DYNC1I2: variants seen among roughly 807,000 people sequenced by gnomAD.
The protein encoded by DYNC1I2 is cytoplasmic dynein 1 intermediate chain 2.
A neutral mutation model predicts 88.6 loss-of-function variants in DYNC1I2; 53 were observed. The observed-to-expected ratio is 0.60, with a 90% CI of 0.48 to 0.75. The LOEUF is 0.75. Among genes scored for constraint, DYNC1I2 ranks in the 30% least tolerant of loss-of-function variants. The pLI, the probability that DYNC1I2 is intolerant of heterozygous loss-of-function variation, is 0.00. For synonymous variants in DYNC1I2, 198 were observed against 254.6 expected, an observed-to-expected ratio of 0.78 and a Z score of 2.12; for missense variants, 458 against 766.6, an observed-to-expected ratio of 0.60 and a Z score of 4.75.
At chr2:171,713,528 T>A (rs1215768027) in intron 6 of DYNC1I2, among the ~76,000 whole-genome samples, 1 of 152,062 alleles carries the variant, frequency 6.6e-6, no homozygotes, top group African/African-American at 2.4e-5. Context: ...GTTTTAAAAC[T>A]TGTTCTTTTA....
chr2:171,737,955 T>A (rs921975137), intron 15 of DYNC1I2, among the ~76,000 whole-genome samples: 10 of 152,180 alleles, frequency 6.6e-5, no homozygotes, highest in Non-Finnish European at 1.5e-4. Context: ...CAATCTTTTA[T>A]ATTATAAATA....
chr2:171,713,340 G>C (rs1478916720), intron 6 of DYNC1I2, among the ~76,000 whole-genome samples: 1 of 151,888 alleles, frequency 6.6e-6, no homozygotes, highest in Non-Finnish European at 1.5e-5. Flanking sequence ...ATTATTCATA[G>C]AATGTATGGA....
intron 4 of DYNC1I2, 139 bp downstream of exon 4, chr2:171,706,703 A>G (rs1212838652): frequency 2.7e-6 from 2 of 735,438 alleles, no homozygotes; most frequent in African/African-American, 3.5e-5. Flanking sequence ...AACATTTTAA[A>G]GGAGCCATTC....
chr2:171,726,509 G>C, intron 10 of DYNC1I2: 1 of 550,716 alleles, frequency 1.8e-6, no homozygotes, highest in South Asian at 3.1e-5. Flanking sequence ...TTATGATACA[G>C]GCCAGTTTTA....
At chr2:171,722,885 A>G (rs536249237) in intron 7 of DYNC1I2, among the ~76,000 whole-genome samples, 3 of 152,270 alleles carry the variant, frequency 2.0e-5, no homozygotes, top group South Asian at 2.1e-4. Flanking sequence ...TAATCCATGT[A>G]GAAAGGGAGG....
intron 15 of DYNC1I2, among the ~76,000 whole-genome samples, chr2:171,731,403 A>G (rs1485601996): frequency 6.6e-6 from 1 of 152,192 alleles, no homozygotes; most frequent in African/African-American, 2.4e-5. Flanking sequence ...TATAACCATA[A>G]GTATAACACA....
Position 171,749,715 on chromosome 2 carries a change from T to A in DYNC1I2, c.*1826T>A, listed in dbSNP as rs1689989517. Among the ~76,000 whole-genome samples the A allele has an allele frequency of 6.6e-6, 1 of 152,196 alleles. No individual in the cohort carries two copies. The highest frequency in any genetic ancestry group is 1.5e-5 in the Non-Finnish European group (1 of 67,994). ...GTTTAAATATTTCACTTTTTGGGAA[T>A]GACTTCTCCCCTACTCCCCCAGAAA... On this transcript the variant is annotated 3_prime_UTR_variant, in exon 18 of 18. Coordinates refer to ENST00000397119, the MANE Select transcript of DYNC1I2 (RefSeq NM_001378.3).
At chr2:171,712,106 ATC>A (rs1687164230) in intron 5 of DYNC1I2, among the ~76,000 whole-genome samples, 1 of 152,172 alleles carries the variant, frequency 6.6e-6, no homozygotes, top group Non-Finnish European at 1.5e-5. Flanking sequence ...CCAGGGAAAA[ATC>A]TATTTTTTTC....
chr2:171,744,231 A>G, intron 16 of DYNC1I2, 42 bp downstream of exon 16: 1 of 1,552,926 alleles, frequency 6.4e-7, no homozygotes, highest in Admixed American at 2.1e-5. Flanking sequence ...AAAATAGAAA[A>G]TTGGATATTT....
intron 3 of DYNC1I2, among the ~76,000 whole-genome samples, chr2:171,698,306 G>T (rs1559365951): frequency 4.6e-5 from 7 of 152,166 alleles, no homozygotes; most frequent in Admixed American, 4.6e-4. Context: ...TAGAAAAGCA[G>T]GAGACATGTT....
At chr2:171,728,885 T>A in intron 14 of DYNC1I2, 35 bp downstream of exon 14, 1 of 1,580,320 alleles carries the variant, frequency 6.3e-7, no homozygotes, top group Non-Finnish European at 8.6e-7. Context: ...TAATTTAAAA[T>A]TCCTCCTTTA....
intron 10 of DYNC1I2, 192 bp downstream of exon 10, chr2:171,726,485 T>C: frequency 5.3e-6 from 3 of 565,444 alleles, no homozygotes; most frequent in Non-Finnish European, 8.8e-6. Context: ...TATTTATATT[T>C]AAAATTCAGG....
chr2:171,711,036 A>G (rs1257402673), intron 5 of DYNC1I2, among the ~76,000 whole-genome samples: 2 of 120,690 alleles, frequency 1.7e-5, no homozygotes, highest in Non-Finnish European at 3.4e-5. Flanking sequence ...ACCCCACGAC[A>G]GGCCCCGGTA....
intron 3 of DYNC1I2, among the ~76,000 whole-genome samples, chr2:171,700,621 T>TTTTTTTG (rs543510338): frequency 2.0e-5 from 3 of 150,602 alleles, no homozygotes; most frequent in Non-Finnish European, 2.9e-5. Context: ...ATTACCCTAG[T>TTTTTTTG]TTTTTTGTTT....
intron 7 of DYNC1I2, among the ~76,000 whole-genome samples, chr2:171,720,168 G>A (rs138336858): frequency 1.1e-4 from 16 of 152,166 alleles, no homozygotes; most frequent in Admixed American, 3.3e-4. Flanking sequence ...TAAGTCCACC[G>A]TCTGAGAGAA....
intron 7 of DYNC1I2, among the ~76,000 whole-genome samples, chr2:171,720,761 A>G (rs1687845697): frequency 6.6e-6 from 1 of 152,172 alleles, no homozygotes; most frequent in Admixed American, 6.5e-5. Flanking sequence ...ATGGATTTTT[A>G]AAAGATTTTG....
At chr2:171,700,094 G>A (rs558085584) in intron 3 of DYNC1I2, among the ~76,000 whole-genome samples, 1 of 152,238 alleles carries the variant, frequency 6.6e-6, no homozygotes, top group Non-Finnish European at 1.5e-5. Context: ...ATTTCAGTTA[G>A]AGCTTTAGTG....
Position 171,727,898 on chromosome 2 carries a change from G to A in DYNC1I2, c.1074G>A (p.Val358=). The change falls in exon 12 of 18, where the codon GTG becomes GTA. Residue 358 remains valine (V), a synonymous_variant. Transcript: ENST00000397119. ...VVGGTYSGQI[V]LWDNRSNKRT... ...GTGGTACATATTCAGGCCAAATTGT[G>A]CTTTGGGATAACCGTAGCAATAAAA... 1 of 1,613,256 alleles carries A rather than the reference G, an allele frequency of 6.2e-7. No individual in the cohort carries two copies. The highest frequency in any genetic ancestry group is 8.5e-7 in the Non-Finnish European group (1 of 1,179,412).
chr2:171,701,219 T>C (rs1686232793), intron 3 of DYNC1I2, among the ~76,000 whole-genome samples: 1 of 152,196 alleles, frequency 6.6e-6, no homozygotes, highest in South Asian at 2.1e-4. Context: ...GGAGTCTTGC[T>C]CTCTCTCCCG....
Sources: gnomAD v4.1 joint callset for allele counts (sites outside exome capture counted in the v4.1 genomes callset) on GRCh38, gnomAD v4.1.1 for gene constraint, MANE v1.5 for transcripts, NCBI Gene and HGNC (gene_info 2026-07-23, HGNC 2026-07-21) for gene names.